SENP6: variants seen among roughly 807,000 people sequenced by gnomAD.
The protein encoded by SENP6 is SUMO specific peptidase 6.
SENP6 carries 41 observed loss-of-function variants against 134.5 expected under a neutral mutation model. The observed-to-expected ratio is 0.30, with a 90% confidence interval of 0.24 to 0.40. The LOEUF (loss-of-function observed/expected upper bound fraction) is 0.40, where lower values mean the gene tolerates loss of function less well. Among genes scored for constraint, SENP6 ranks in the 10% least tolerant of loss-of-function variants. The probability of loss-of-function intolerance (pLI) is 1.00; values close to 1 mark genes in which losing one functional copy is unlikely to be tolerated. For synonymous variants in SENP6, 395 were observed against 429.8 expected, an observed-to-expected ratio of 0.92 and a Z score of 1.00; for missense variants, 1,248 against 1,312.5, an observed-to-expected ratio of 0.95 and a Z score of 0.76.
intron 7 of SENP6, among the ~76,000 whole-genome samples, chr6:75,653,660 G>GT (rs35936649): frequency 0.51 from 74,119 of 145,954 alleles, 18,947 homozygotes; most frequent in East Asian, 0.67. Context: ...GGAATGTTGT[G>GT]TTTTTTTTTT....
chr6:75,614,432 A>G (rs1014503237), intron 1 of SENP6, among the ~76,000 whole-genome samples: 1 of 151,486 alleles, frequency 6.6e-6, no homozygotes, highest in South Asian at 2.1e-4. Flanking sequence ...CGCCAGGCAA[A>G]TTTTTTTGTA....
rs375684798 is a variant in SENP6 at position 75,664,879 on chromosome 6, G to A, written c.994+1361G>A. ...AAGACACTGTCCCTGTTCTCTTATA[G>A]TTTATGTGTAGCAGGGAGAAACAGA... On this transcript the variant is annotated intron_variant, in intron 9 of 23. Transcript: ENST00000447266. Among the ~76,000 whole-genome samples the A allele has an allele frequency of 3.3e-5, 5 of 152,310 alleles. No homozygotes were observed. In the East Asian group the frequency reaches 5.8e-4, roughly 18 times the overall value.
intron 16 of SENP6, among the ~76,000 whole-genome samples, chr6:75,692,756 T>A (rs1369431972): frequency 6.7e-6 from 1 of 150,280 alleles, no homozygotes; most frequent in South Asian, 2.1e-4. Flanking sequence ...CCCTCACACC[T>A]GGCCCTGTGG....
At chr6:75,630,565 G>A (rs1769036485) in intron 3 of SENP6, among the ~76,000 whole-genome samples, 1 of 152,034 alleles carries the variant, frequency 6.6e-6, no homozygotes, top group African/African-American at 2.4e-5. Flanking sequence ...AGGTCCATAT[G>A]GATCATTGGT....
chr6:75,652,703 A>AAAAAAAAAAAAAAAAAAAAAAAAAAT (rs1770989761), intron 7 of SENP6, among the ~76,000 whole-genome samples: 1 of 134,552 alleles, frequency 7.4e-6, no homozygotes, highest in African/African-American at 2.6e-5. Context: ...AAAAAAAAAA[A>AAAAAAAAAAAAAAAAAAAAAAAAAAT]GAAAAAGAAA....
intron 1 of SENP6, among the ~76,000 whole-genome samples, chr6:75,618,198 G>A (rs1246345016): frequency 6.6e-6 from 1 of 152,140 alleles, no homozygotes; most frequent in East Asian, 1.9e-4. Context: ...TTTGGAGAAG[G>A]GAGTATATGC....
chr6:75,695,243 G>A (rs1430057820), intron 16 of SENP6, among the ~76,000 whole-genome samples: 1 of 152,076 alleles, frequency 6.6e-6, no homozygotes, highest in Non-Finnish European at 1.5e-5. Context: ...GGAGTGCAGT[G>A]GCTCAATTTC....
intron 1 of SENP6, among the ~76,000 whole-genome samples, chr6:75,609,146 C>A (rs901712502): frequency 2.0e-5 from 3 of 152,136 alleles, no homozygotes; most frequent in Non-Finnish European, 4.4e-5. Flanking sequence ...AGACTGTAGC[C>A]TGGGACCCGA....
chr6:75,687,300 A>T (rs896078664), intron 16 of SENP6, among the ~76,000 whole-genome samples: 3 of 152,102 alleles, frequency 2.0e-5, no homozygotes, highest in Non-Finnish European at 4.4e-5. Context: ...TATTCATCTA[A>T]TCTTTTTTCA....
intron 6 of SENP6, among the ~76,000 whole-genome samples, chr6:75,643,134 A>G (rs1239468460): frequency 6.6e-6 from 1 of 152,212 alleles, no homozygotes; most frequent in Non-Finnish European, 1.5e-5. Context: ...TTGTGCAAAC[A>G]GTGTTGTATA....
In SENP6 at chr6:75,666,705, C is replaced by T. The variant is rs1322577028; in HGVS notation, c.995-7C>T. 2.3e-6 allele frequency: 3 copies of T among 1,324,756 alleles called. No homozygotes were observed. Among genetic ancestry groups the T allele is most frequent in the Non-Finnish European group, 3.0e-6 (3 of 991,680 alleles). The allele number at this position is 1,324,756 out of a possible 1,614,324, so 82.1% of individuals were successfully genotyped here. On this transcript the variant is annotated splice_polypyrimidine_tract_variant and splice_region_variant and intron_variant, in intron 9 of 23. Transcript: ENST00000447266. The stretch of plus-strand genomic sequence containing the variant: ...ATATAAATTATAAATTATTAAAATA[C>T]TTTTAGTCATTTTGTCCAGTGATGA...
chr6:75,712,457 G>A (rs576637734), intron 21 of SENP6, among the ~76,000 whole-genome samples: 4 of 152,078 alleles, frequency 2.6e-5, no homozygotes, highest in East Asian at 1.9e-4. Context: ...CAGGAGGACC[G>A]CATGAGGCCA....
intron 16 of SENP6, among the ~76,000 whole-genome samples, chr6:75,690,680 T>G (rs1045760970): frequency 1.4e-5 from 2 of 147,126 alleles, no homozygotes; most frequent in Admixed American, 6.8e-5. Context: ...ATATGTTTGT[T>G]TTGGTTTTTT....
At chr6:75,633,517 T>C in intron 3 of SENP6, 64 bp from the exon 4 acceptor site, 1 of 1,349,644 alleles carries the variant, frequency 7.4e-7, no homozygotes, top group Non-Finnish European at 1.0e-6. Flanking sequence ...GGTTTTCAAA[T>C]AGTTGTTGAT....
At chr6:75,604,449 T>C (rs913917977) in intron 1 of SENP6, among the ~76,000 whole-genome samples, 1 of 152,096 alleles carries the variant, frequency 6.6e-6, no homozygotes, top group Non-Finnish European at 1.5e-5. Context: ...CTGGCCAACA[T>C]GGCGAAACCC....
At chr6:75,666,621 T>A (rs1053900714) in intron 9 of SENP6, 91 bp from the exon 10 acceptor site, 5 of 618,420 alleles carry the variant, frequency 8.1e-6, no homozygotes, top group African/African-American at 5.8e-5. Context: ...TCCACTTTGG[T>A]AATTTATTTG....
intron 1 of SENP6, among the ~76,000 whole-genome samples, chr6:75,616,417 A>G: frequency 6.6e-6 from 1 of 152,014 alleles, no homozygotes; most frequent in East Asian, 1.9e-4. Context: ...GGAGGTTCTA[A>G]TCTAATATCA....
chr6:75,642,000 A>G (rs897278412), intron 6 of SENP6, among the ~76,000 whole-genome samples: 5 of 152,090 alleles, frequency 3.3e-5, no homozygotes, highest in Admixed American at 6.5e-5. Context: ...TTGAATTGCT[A>G]TGTGATGGCT....
intron 6 of SENP6, among the ~76,000 whole-genome samples, chr6:75,641,867 G>A (rs1052681199): frequency 5.3e-5 from 8 of 150,844 alleles, no homozygotes; most frequent in African/African-American, 1.5e-4. Flanking sequence ...AAACAAACTG[G>A]AAAGTCCAGC....
Sources: allele counts gnomAD v4.1 joint callset (sites outside exome capture counted in the v4.1 genomes callset), GRCh38; gene constraint gnomAD v4.1.1; transcripts MANE v1.5; gene names NCBI Gene and HGNC (gene_info 2026-07-23, HGNC 2026-07-21).